PDIA3: variants seen among roughly 807,000 people sequenced by gnomAD.
The protein encoded by PDIA3 is protein disulfide-isomerase A3.
PDIA3 carries 16 observed loss-of-function variants against 56.9 expected under a neutral mutation model. The observed-to-expected ratio is 0.28, with a 90% CI of 0.19 to 0.43. The LOEUF (loss-of-function observed/expected upper bound fraction) is 0.43, where lower values mean the gene tolerates loss of function less well. Ranked by LOEUF, PDIA3 falls within the 20% of genes least tolerant of loss-of-function variation. The pLI is 1.00. For missense variants in PDIA3, 485 were observed against 621.3 expected (o/e 0.78, Z 2.33); for synonymous variants, 192 against 216.5 (o/e 0.89, Z 0.99).
intron 12 of PDIA3, 115 bp from the exon 13 acceptor site, chr15:43,770,990 G>A: frequency 3.0e-6 from 2 of 671,196 alleles, no homozygotes; most frequent in Non-Finnish European, 5.3e-6. Context: ...ACTCTCATGG[G>A]CAGTATATGT....
intron 10 of PDIA3, 152 bp from the exon 11 acceptor site, chr15:43,770,098 C>T (rs760299998): frequency 5.6e-5 from 35 of 627,146 alleles, no homozygotes; most frequent in Non-Finnish European, 8.0e-5. Context: ...AGCAGTTTAT[C>T]TGCTGGAATT....
intron 3 of PDIA3, among the ~76,000 whole-genome samples, chr15:43,759,071 A>G (rs982330488): frequency 2.6e-5 from 4 of 152,086 alleles, no homozygotes; most frequent in African/African-American, 9.7e-5. Context: ...CAGGCGGATC[A>G]CAAGGTCAGG....
intron 3 of PDIA3, among the ~76,000 whole-genome samples, chr15:43,759,950 G>A (rs1190113074): frequency 6.6e-6 from 1 of 152,062 alleles, no homozygotes; most frequent in South Asian, 2.1e-4. Context: ...TTAGCCGGGC[G>A]TGGTGGCAGG....
chr15:43,760,840 T>G (rs1278162077), intron 3 of PDIA3, among the ~76,000 whole-genome samples: 2 of 151,684 alleles, frequency 1.3e-5, no homozygotes, highest in Non-Finnish European at 2.9e-5. Flanking sequence ...CAAAAAAACT[T>G]TTTAATAATA....
intron 6 of PDIA3, 140 bp from the exon 7 acceptor site, chr15:43,765,747 G>A (rs2141655287): frequency 7.5e-6 from 7 of 931,258 alleles, no homozygotes; most frequent in African/African-American, 3.3e-5. Flanking sequence ...TTGTCATCCT[G>A]TAAGGTATAT....
intron 1 of PDIA3, chr15:43,751,697 C>T (rs1349081945): frequency 7.7e-7 from 1 of 1,303,300 alleles, no homozygotes; most frequent in Admixed American, 2.3e-5. Flanking sequence ...GGATTTTAGT[C>T]CCAGCCTTGC....
chr15:43,758,603 A>G (rs1389716299), intron 3 of PDIA3, among the ~76,000 whole-genome samples: 2 of 150,768 alleles, frequency 1.3e-5, no homozygotes, highest in Non-Finnish European at 3.0e-5. Flanking sequence ...GGTTGTAGTG[A>G]GTCGAGATCG....
chr15:43,758,983 A>T (rs1021809329), intron 3 of PDIA3, among the ~76,000 whole-genome samples: 2 of 151,732 alleles, frequency 1.3e-5, no homozygotes, highest in African/African-American at 2.4e-5. Context: ...TCAAAAAAAA[A>T]AATAAAAATG....
chr15:43,746,769 G>T, intron 1 of PDIA3, 63 bp downstream of exon 1: 1 of 1,558,392 alleles, frequency 6.4e-7, no homozygotes, highest in Non-Finnish European at 8.8e-7. Context: ...GAGAGCGCGG[G>T]GAACTGTTGG....
chr15:43,761,392 G>A (rs1195400819), intron 3 of PDIA3, 32 bp from the exon 4 acceptor site: 2 of 1,137,296 alleles, frequency 1.8e-6, no homozygotes, highest in African/African-American at 3.1e-5. Flanking sequence ...TAAATAAGTT[G>A]TGTTGTCATA....
At chr15:43,761,160 T>C (rs186870770) in intron 3 of PDIA3, among the ~76,000 whole-genome samples, 17 of 147,238 alleles carry the variant, frequency 1.2e-4, no homozygotes, top group African/African-American at 3.3e-4. Flanking sequence ...GAGAATGGCA[T>C]GAACACAGGA....
At position 43,773,222 on chromosome 15, in the gene PDIA3, T is replaced by TA; in HGVS notation, c.*2005dup. The TA allele has an allele frequency of 6.2e-7, 1 of 1,613,864 alleles. No homozygotes were observed. Among genetic ancestry groups the TA allele is most frequent in the Non-Finnish European group, 8.5e-7 (1 of 1,179,930 alleles). On this transcript the variant is annotated 3_prime_UTR_variant, in exon 13 of 13. Transcript: ENST00000300289. Reference sequence around the variant, plus strand: ...ACGCTTTTCTTCTCTGTAACTTGGGTACTGCTGCAGAGAAAAAGCATCCAT... The same window carrying TA: ...ACGCTTTTCTTCTCTGTAACTTGGGTAACTGCTGCAGAGAAAAAGCATCCAT...
At position 43,773,100 on chromosome 15, in the gene PDIA3, A is replaced by T. The variant is rs745711018; in HGVS notation, c.*1882A>T. 1 of 1,582,236 alleles carries T rather than the reference A, an allele frequency of 6.3e-7. No homozygotes were observed. The highest frequency in any genetic ancestry group is 2.0e-5 in the Admixed American group (1 of 51,132). On this transcript the variant is annotated 3_prime_UTR_variant, in exon 13 of 13. Transcript: ENST00000300289. ...GTGTTTCACTAAGCAGAGGCTCAAA[A>T]ATTCCCTTGATAACTTCAGCTGCCC... is the stretch of plus-strand genomic sequence containing the variant.
At position 43,768,795 on chromosome 15, in the gene PDIA3, G is replaced by A. The variant is rs572149647; in HGVS notation, c.1137+198G>A. Among the ~76,000 whole-genome samples, 7 of 151,948 alleles carry A rather than the reference G, an allele frequency of 4.6e-5. No individual in the cohort carries two copies. In the East Asian group the frequency reaches 1.4e-3, roughly 29 times the overall value. On this transcript the variant is annotated intron_variant, in intron 9 of 12. Coordinates refer to ENST00000300289, the MANE Select transcript of PDIA3 (RefSeq NM_005313.5). ...TCCCAGCACTTTGGGAGGCAAAGGC[G>A]GGCACATCACAAGGTCAAGAGTTTG... is the stretch of plus-strand genomic sequence containing the variant.
intron 1 of PDIA3, among the ~76,000 whole-genome samples, chr15:43,749,604 C>G (rs547085383): frequency 1.3e-5 from 2 of 152,012 alleles, no homozygotes; most frequent in Non-Finnish European, 2.9e-5. Context: ...ACCAGCCTGG[C>G]CAACATGGGG....
rs1479554559 is a variant in PDIA3 at position 43,765,632 on chromosome 15, T to C, written c.719+66T>C. ...GATTTTAGTTTGTTTACCTCAGTTA[T>C]TAAGCCGAGCTATATTTTGGCGTAA... On this transcript the variant is annotated intron_variant, in intron 6 of 12. Coordinates refer to ENST00000300289, the MANE Select transcript of PDIA3 (RefSeq NM_005313.5). 6 of 1,061,292 alleles carry C rather than the reference T, an allele frequency of 5.7e-6. No homozygotes were observed. In the East Asian group the frequency reaches 9.5e-5, roughly 17 times the overall value. The allele number at this position is 1,061,292 out of a possible 1,614,324, so 65.7% of individuals were successfully genotyped here.
chr15:43,748,125 C>A (rs1461459918), intron 1 of PDIA3, among the ~76,000 whole-genome samples: 1 of 152,052 alleles, frequency 6.6e-6, no homozygotes, highest in African/African-American at 2.4e-5. Context: ...AGGGGTCATG[C>A]AACAATTTAA....
rs201549098 is a variant in PDIA3 at position 43,746,558 on chromosome 15, G to T, written c.19G>T (p.Ala7Ser). Reference sequence around the variant, plus strand: ...CGCCGCCATGCGCCTCCGCCGCCTAGCGCTGTTCCCGGGTGTGGCGCTGCT... The same window carrying T: ...CGCCGCCATGCGCCTCCGCCGCCTATCGCTGTTCCCGGGTGTGGCGCTGCT... MRLRRL[A>S]LFPGVALLLA... The change falls in exon 1 of 13, where the codon GCG becomes TCG. Residue 7 changes from alanine to serine, a missense_variant. By Grantham distance (99) the Ala-to-Ser change is moderately conservative. Transcript: ENST00000300289. 1.2e-3 allele frequency: 1,940 copies of T among 1,609,614 alleles called. 4 individuals are homozygous for T. Among genetic ancestry groups the T allele is most frequent in the South Asian group, 1.6e-3 (146 of 90,910 alleles).
chr15:43,759,116 C>G (rs919786558), intron 3 of PDIA3, among the ~76,000 whole-genome samples: 9 of 151,994 alleles, frequency 5.9e-5, no homozygotes, highest in African/African-American at 2.2e-4. Context: ...CATTGAAACC[C>G]CGTCTCTACT....
Sources: gnomAD v4.1 joint callset for allele counts (sites outside exome capture counted in the v4.1 genomes callset) on GRCh38, gnomAD v4.1.1 for gene constraint, MANE v1.5 for transcripts, NCBI Gene and HGNC (gene_info 2026-07-23, HGNC 2026-07-21) for gene names.